LDLRAD4: variants seen among roughly 807,000 people sequenced by gnomAD.
The protein encoded by LDLRAD4 is low-density lipoprotein receptor class A domain-containing protein 4.
A neutral mutation model predicts 17.0 loss-of-function variants in LDLRAD4; 5 were observed. That is an observed-to-expected ratio of 0.29 (90% CI 0.15 to 0.62). LDLRAD4 has a LOEUF of 0.62. Among genes scored for constraint, LDLRAD4 ranks in the 20% least tolerant of loss-of-function variants. The probability of loss-of-function intolerance (pLI) is 0.84; values close to 1 mark genes in which losing one functional copy is unlikely to be tolerated. For synonymous variants in LDLRAD4, 168 were observed against 171.8 expected (o/e 0.98, Z 0.17); for missense variants, 340 against 424.7 (o/e 0.80, Z 1.75).
intron 4 of LDLRAD4, among the ~76,000 whole-genome samples, chr18:13,639,557 C>T (rs1176029824): frequency 2.6e-5 from 4 of 152,144 alleles, no homozygotes; most frequent in African/African-American, 4.8e-5. Flanking sequence ...GCTAATGGTA[C>T]GGGGTGGTTG....
At chr18:13,534,664 A>G (rs922666788) in intron 3 of LDLRAD4, among the ~76,000 whole-genome samples, 1 of 152,132 alleles carries the variant, frequency 6.6e-6, no homozygotes, top group East Asian at 1.9e-4. Context: ...CTATTGTGGG[A>G]CATCTTTTTG....
chr18:13,523,349 G>A (rs551438401), intron 3 of LDLRAD4, among the ~76,000 whole-genome samples: 80 of 152,330 alleles, frequency 5.3e-4, no homozygotes, highest in African/African-American at 1.9e-3. Flanking sequence ...ACACCCTCCT[G>A]CTGGCCATGA....
chr18:13,429,062 A>C (rs963044871), intron 2 of LDLRAD4, among the ~76,000 whole-genome samples: 1 of 152,114 alleles, frequency 6.6e-6, no homozygotes, highest in African/African-American at 2.4e-5. Flanking sequence ...GGAGCACTCC[A>C]AGGTTAAGAG....
At chr18:13,297,937 G>A (rs1448116812) in intron 1 of LDLRAD4, among the ~76,000 whole-genome samples, 1 of 152,248 alleles carries the variant, frequency 6.6e-6, no homozygotes, top group East Asian at 1.9e-4. Context: ...GAAGCTGAAA[G>A]TGGAGGCTGG....
chr18:13,483,613 C>T (rs751632013), intron 3 of LDLRAD4, among the ~76,000 whole-genome samples: 3 of 152,160 alleles, frequency 2.0e-5, no homozygotes, highest in African/African-American at 2.4e-5. Context: ...GGCCCCTAGT[C>T]GGCAAGCTAG....
chr18:13,450,250 T>C (rs1205664078), intron 3 of LDLRAD4, among the ~76,000 whole-genome samples: 2 of 151,234 alleles, frequency 1.3e-5, no homozygotes, highest in Non-Finnish European at 2.9e-5. Flanking sequence ...TCTGGTTCAG[T>C]GTCTGCTCTC....
At chr18:13,559,449 G>T (rs2094517041) in intron 3 of LDLRAD4, among the ~76,000 whole-genome samples, 4 of 151,984 alleles carry the variant, frequency 2.6e-5, no homozygotes. Context: ...CTAAAAAAAT[G>T]CAACAGGATT....
intron 3 of LDLRAD4, among the ~76,000 whole-genome samples, chr18:13,544,585 A>T (rs1209569716): frequency 6.6e-6 from 1 of 152,172 alleles, no homozygotes; most frequent in Non-Finnish European, 1.5e-5. Context: ...TGCATGGTGG[A>T]TGGGAAAGCG....
intron 1 of LDLRAD4, among the ~76,000 whole-genome samples, chr18:13,374,630 A>G (rs1307926484): frequency 1.3e-5 from 2 of 152,204 alleles, no homozygotes; most frequent in African/African-American, 4.8e-5. Flanking sequence ...GGAGCTGATG[A>G]GACACTGCAG....
rs111404274 is a variant in LDLRAD4 at position 13,307,709 on chromosome 18, A to G, written c.-383+29521A>G. Among the ~76,000 whole-genome samples the G allele has an allele frequency of 7.4e-3, 1,126 of 152,342 alleles. 12 individuals carry two copies. Among genetic ancestry groups the G allele is most frequent in the South Asian group, 0.014 (68 of 4,820 alleles). Reference sequence around the variant, plus strand: ...GTTGGGATTACAGGCATGAGCTGCCATGCCTGGCCCCTAATTTTTTAAATA... The same window carrying G: ...GTTGGGATTACAGGCATGAGCTGCCGTGCCTGGCCCCTAATTTTTTAAATA... On this transcript the variant is annotated intron_variant, in intron 1 of 5. Transcript: ENST00000359446.
At chr18:13,365,299 TG>T (rs2083976047) in intron 1 of LDLRAD4, among the ~76,000 whole-genome samples, 1 of 152,214 alleles carries the variant, frequency 6.6e-6, no homozygotes, top group South Asian at 2.1e-4. Context: ...TAACTAAGTC[TG>T]GGTGCTGTCT....
intron 1 of LDLRAD4, among the ~76,000 whole-genome samples, chr18:13,219,336 T>A (rs1430550403): frequency 6.6e-6 from 1 of 152,206 alleles, no homozygotes; most frequent in African/African-American, 2.4e-5. Context: ...GCATGATTTT[T>A]GTTTTTCCCC....
At chr18:13,234,328 G>A (rs1042929759) in intron 1 of LDLRAD4, among the ~76,000 whole-genome samples, 4 of 152,222 alleles carry the variant, frequency 2.6e-5, no homozygotes, top group African/African-American at 7.2e-5. Context: ...CACATTAGTC[G>A]CCTGGCTTTG....
intron 2 of LDLRAD4, among the ~76,000 whole-genome samples, chr18:13,393,144 G>A (rs556594181): frequency 7.2e-5 from 11 of 152,182 alleles, no homozygotes; most frequent in African/African-American, 1.9e-4. Flanking sequence ...CCTCTGCAAG[G>A]TTGCACCTGT....
At chr18:13,445,350 T>G (rs939843736) in intron 3 of LDLRAD4, among the ~76,000 whole-genome samples, 4 of 152,080 alleles carry the variant, frequency 2.6e-5, no homozygotes, top group Non-Finnish European at 5.9e-5. Flanking sequence ...TGCACAAGTG[T>G]GTGGGTGTCA....
chr18:13,349,226 G>T (rs900105176), intron 1 of LDLRAD4, among the ~76,000 whole-genome samples: 1 of 152,150 alleles, frequency 6.6e-6, no homozygotes, highest in African/African-American at 2.4e-5. Flanking sequence ...CCCAACAATA[G>T]ATTTTAAATT....
At chr18:13,290,576 C>A (rs529310057) in intron 1 of LDLRAD4, among the ~76,000 whole-genome samples, 28 of 151,044 alleles carry the variant, frequency 1.9e-4, no homozygotes, top group Non-Finnish European at 3.7e-4. Context: ...AAAAAAAGAT[C>A]TGCGTTTGTT....
At chr18:13,385,750 T>C (rs2085752303) in intron 1 of LDLRAD4, among the ~76,000 whole-genome samples, 1 of 152,226 alleles carries the variant, frequency 6.6e-6, no homozygotes, top group Non-Finnish European at 1.5e-5. Context: ...TCTTCCGAAG[T>C]TCCTGTAGGA....
intron 3 of LDLRAD4, among the ~76,000 whole-genome samples, chr18:13,449,176 C>T (rs1046950527): frequency 2.6e-5 from 4 of 152,230 alleles, no homozygotes; most frequent in African/African-American, 7.2e-5. Flanking sequence ...TAGTGAGCAG[C>T]GAGTGAGTCT....
Sources: gnomAD v4.1 joint callset for allele counts (sites outside exome capture counted in the v4.1 genomes callset) on GRCh38, gnomAD v4.1.1 for gene constraint, MANE v1.5 for transcripts, NCBI Gene and HGNC (gene_info 2026-07-23, HGNC 2026-07-21) for gene names.